Variants in AFG1L observed in about 807,000 individuals in gnomAD.
AFG1L encodes the protein AFG1 like ATPase.
A neutral mutation model predicts 62.2 loss-of-function variants in AFG1L; 53 were observed. That is an observed-to-expected ratio of 0.85 (90% CI 0.68 to 1.07). AFG1L has a LOEUF of 1.07. Ranked by LOEUF, AFG1L falls within the 50% of genes least tolerant of loss-of-function variation. The pLI, the probability that AFG1L is intolerant of heterozygous loss-of-function variation, is 0.00. For missense variants in AFG1L, 555 were observed against 590.5 expected (o/e 0.94, Z 0.62); for synonymous variants, 228 against 210.3 (o/e 1.08, Z -0.73).
At chr6:108,453,994 T>C (rs776831022) in intron 8 of AFG1L, among the ~76,000 whole-genome samples, 2 of 152,196 alleles carry the variant, frequency 1.3e-5, no homozygotes, top group Non-Finnish European at 2.9e-5. Flanking sequence ...TTTTAGGCCG[T>C]CATTTGTTTC....
chr6:108,340,881 A>T (rs1476549935), intron 2 of AFG1L, among the ~76,000 whole-genome samples: 2 of 152,204 alleles, frequency 1.3e-5, no homozygotes, highest in African/African-American at 4.8e-5. Context: ...AGGACTTTCA[A>T]CCCAATGCCT....
intron 10 of AFG1L, among the ~76,000 whole-genome samples, chr6:108,505,180 C>T (rs1457154235): frequency 4.0e-5 from 6 of 151,686 alleles, no homozygotes; most frequent in African/African-American, 9.7e-5. Flanking sequence ...CTGCAACCTC[C>T]GCGCCCAGGT....
chr6:108,371,604 A>G (rs1005119917), intron 6 of AFG1L, among the ~76,000 whole-genome samples: 1 of 150,788 alleles, frequency 6.6e-6, no homozygotes, highest in Admixed American at 6.6e-5. Context: ...TGCTGAAACT[A>G]TTCTCCCACC....
At chr6:108,412,472 C>T (rs906506882) in intron 7 of AFG1L, among the ~76,000 whole-genome samples, 11 of 152,168 alleles carry the variant, frequency 7.2e-5, no homozygotes, top group Admixed American at 6.5e-4. Context: ...GTCAGATTCA[C>T]CAAAGTTGAA....
chr6:108,452,530 G>A (rs1052500593), intron 8 of AFG1L, among the ~76,000 whole-genome samples: 10 of 152,108 alleles, frequency 6.6e-5, no homozygotes, highest in African/African-American at 9.7e-5. Context: ...CACAGATGCC[G>A]TAACCTCAAG....
intron 6 of AFG1L, among the ~76,000 whole-genome samples, chr6:108,388,471 GGT>G (rs1780874391): frequency 1.3e-5 from 2 of 151,770 alleles, no homozygotes; most frequent in African/African-American, 4.8e-5. Flanking sequence ...GTGATGTTAG[GGT>G]GTCAATTTTA....
intron 3 of AFG1L, 80 bp from the exon 4 acceptor site, chr6:108,355,574 T>G: frequency 1.5e-6 from 1 of 676,034 alleles, no homozygotes; most frequent in Non-Finnish European, 2.4e-6. Context: ...GGTTTCATTA[T>G]CTCAAAGCTA....
chr6:108,318,322 A>G (rs1045301299), intron 1 of AFG1L: 1 of 399,654 alleles, frequency 2.5e-6, no homozygotes, highest in Non-Finnish European at 4.8e-6. Context: ...CCAACTGCAG[A>G]TCTAAGAGAA....
chr6:108,349,249 C>T lies in AFG1L; in HGVS notation c.415+2210C>T, dbSNP rs978180025. Among the ~76,000 whole-genome samples the T allele has an allele frequency of 7.9e-5, 12 of 151,222 alleles. No homozygotes were observed. The East Asian group carries it at 9.9e-4, about 12-fold the overall frequency. On this transcript the variant is annotated intron_variant, in intron 3 of 12. Coordinates refer to ENST00000368977, the MANE Select transcript of AFG1L (RefSeq NM_145315.5). ...CTGTAATCCCAGCACTTTGGTAGGC[C>T]GAGGCGAGTGGATTGCCTAAGCCCA... is the stretch of plus-strand genomic sequence containing the variant.
chr6:108,402,126 T>G, intron 7 of AFG1L, 72 bp downstream of exon 7: 1 of 747,890 alleles, frequency 1.3e-6, no homozygotes, highest in South Asian at 2.2e-5. Flanking sequence ...AGTAGGATTG[T>G]CTTAGTCTTG....
At chr6:108,450,947 A>G (rs1772028468) in intron 8 of AFG1L, among the ~76,000 whole-genome samples, 1 of 151,974 alleles carries the variant, frequency 6.6e-6, no homozygotes, top group Non-Finnish European at 1.5e-5. Context: ...TTAAAAAAAA[A>G]AAAAAAGAAA....
intron 6 of AFG1L, among the ~76,000 whole-genome samples, chr6:108,379,407 G>A (rs1019368837): frequency 6.6e-6 from 1 of 152,208 alleles, no homozygotes; most frequent in African/African-American, 2.4e-5. Flanking sequence ...GCTACAGCCA[G>A]TGTGTTTGGG....
chr6:108,410,674 TTGG>T (rs2114656838), intron 7 of AFG1L, among the ~76,000 whole-genome samples: 1 of 152,246 alleles, frequency 6.6e-6, no homozygotes, highest in African/African-American at 2.4e-5. Flanking sequence ...TAAGAAAATA[TTGG>T]TGGTCATTGA....
At chr6:108,473,643 C>CGCCT (rs1437875475) in intron 8 of AFG1L, among the ~76,000 whole-genome samples, 1 of 152,144 alleles carries the variant, frequency 6.6e-6, no homozygotes. Context: ...CTGCAACCTG[C>CGCCT]GCCTCCCGGG....
rs2114304381 is a variant in AFG1L, at chr6:108,323,981, A to G, written c.296A>G (p.Gln99Arg). 6.2e-7 allele frequency: 1 copy of G among 1,614,232 alleles called. No homozygotes were observed. Among genetic ancestry groups the G allele is most frequent in the African/African-American group, 1.3e-5 (1 of 75,060 alleles). ...GATGAACATCAAAGAAGAGTCATAC[A>G]GTGTTTGCAGAAATTACACGAGGAC... The part of the protein sequence containing the change: ...KDDEHQRRVI[Q>R]CLQKLHEDLK... The change falls in exon 2 of 13, where the codon CAG becomes CGG. Residue 99 changes from glutamine (Q) to arginine (R), a missense_variant. Coordinates refer to ENST00000368977, the MANE Select transcript of AFG1L (RefSeq NM_145315.5).
At chr6:108,394,817 C>T (rs909771609) in intron 6 of AFG1L, among the ~76,000 whole-genome samples, 6 of 152,158 alleles carry the variant, frequency 3.9e-5, no homozygotes, top group African/African-American at 1.2e-4. Context: ...ATGTAAACAT[C>T]GAGTATGATT....
intron 10 of AFG1L, among the ~76,000 whole-genome samples, chr6:108,496,820 A>G (rs143699041): frequency 1.4e-4 from 22 of 152,346 alleles, no homozygotes; most frequent in African/African-American, 4.3e-4. Flanking sequence ...ATATTTACTT[A>G]TGCTTTTTTC....
intron 2 of AFG1L, among the ~76,000 whole-genome samples, chr6:108,333,727 T>A (rs1241882898): frequency 6.6e-6 from 1 of 152,098 alleles, no homozygotes; most frequent in Non-Finnish European, 1.5e-5. Flanking sequence ...CAAATCAGAA[T>A]GTATTTATAA....
intron 5 of AFG1L, 59 bp from the exon 6 acceptor site, chr6:108,366,174 A>G (rs1194771493): frequency 2.0e-6 from 2 of 1,015,056 alleles, no homozygotes; most frequent in African/African-American, 1.6e-5. Context: ...ATGATCCACT[A>G]GCAAATTTGT....
Sources: gnomAD v4.1 joint callset for allele counts (sites outside exome capture counted in the v4.1 genomes callset) on GRCh38, gnomAD v4.1.1 for gene constraint, MANE v1.5 for transcripts, NCBI Gene and HGNC (gene_info 2026-07-23, HGNC 2026-07-21) for gene names.